CNTNAP5: variants seen among roughly 807,000 people sequenced by gnomAD.
CNTNAP5 encodes contactin-associated protein-like 5.
CNTNAP5 carries 72 observed loss-of-function variants against 150.2 expected under a neutral mutation model. The observed-to-expected ratio is 0.48, with a 90% CI of 0.40 to 0.58. The LOEUF (loss-of-function observed/expected upper bound fraction) is 0.58. Among genes scored for constraint, CNTNAP5 ranks in the 20% least tolerant of loss-of-function variants. The pLI, the probability that CNTNAP5 is intolerant of heterozygous loss-of-function variation, is 0.00. For synonymous variants in CNTNAP5, 672 were observed against 619.8 expected, an observed-to-expected ratio of 1.08 and a Z score of -1.25; for missense variants, 1,636 against 1,626.2, an observed-to-expected ratio of 1.01 and a Z score of -0.10.
At chr2:124,140,130 A>C (rs1326735183) in intron 1 of CNTNAP5, among the ~76,000 whole-genome samples, 3 of 151,492 alleles carry the variant, frequency 2.0e-5, no homozygotes, top group African/African-American at 4.8e-5. Context: ...CCTGGCTCAG[A>C]GGGTCCTACA....
chr2:124,317,178 GCAGACTTACCTTTAGATTAAGTTCAGGT>G (rs934601295), intron 3 of CNTNAP5, among the ~76,000 whole-genome samples: 3 of 152,098 alleles, frequency 2.0e-5, no homozygotes, highest in African/African-American at 7.2e-5. Context: ...TGACTTCAGG[GCAGACTTACCTTTAGATTAAGTTCAGGT>G]CAGATTTGAC....
At chr2:124,800,197 T>C (rs1239895634) in intron 19 of CNTNAP5, among the ~76,000 whole-genome samples, 2 of 152,196 alleles carry the variant, frequency 1.3e-5, no homozygotes, top group Non-Finnish European at 2.9e-5. Context: ...TCTAATGATG[T>C]CATTGGACCA....
intron 10 of CNTNAP5, among the ~76,000 whole-genome samples, chr2:124,560,365 A>C (rs1032847280): frequency 6.6e-6 from 1 of 151,894 alleles, no homozygotes; most frequent in Non-Finnish European, 1.5e-5. Context: ...CTAAAAATAC[A>C]AAAATTAGCT....
At chr2:124,799,571 AC>A (rs769222061) in intron 19 of CNTNAP5, among the ~76,000 whole-genome samples, 2 of 152,214 alleles carry the variant, frequency 1.3e-5, no homozygotes, top group Non-Finnish European at 2.9e-5. Flanking sequence ...CAGTGGTGGA[AC>A]CTAGCAGAAA....
chr2:124,362,074 C>T (rs776986220), intron 3 of CNTNAP5, among the ~76,000 whole-genome samples: 2 of 152,296 alleles, frequency 1.3e-5, no homozygotes, highest in African/African-American at 2.4e-5. Flanking sequence ...CCGATTTTCC[C>T]GGTGCTGTCC....
intron 10 of CNTNAP5, among the ~76,000 whole-genome samples, chr2:124,539,196 T>A (rs538158245): frequency 1.3e-5 from 2 of 152,332 alleles, no homozygotes; most frequent in African/African-American, 4.8e-5. Flanking sequence ...TGCAGTGAAA[T>A]GTAAATTTAA....
chr2:124,564,679 G>T (rs10211661), intron 11 of CNTNAP5, among the ~76,000 whole-genome samples: 1 of 152,078 alleles, frequency 6.6e-6, no homozygotes, highest in East Asian at 1.9e-4. Flanking sequence ...TAATTGTATA[G>T]TCTTATTGAG....
intron 11 of CNTNAP5, among the ~76,000 whole-genome samples, chr2:124,584,375 A>C (rs1207615672): frequency 6.6e-6 from 1 of 152,144 alleles, no homozygotes; most frequent in Non-Finnish European, 1.5e-5. Context: ...AACTATAAGC[A>C]TGATCTAGTA....
At chr2:124,180,232 G>A (rs1685178181) in intron 1 of CNTNAP5, among the ~76,000 whole-genome samples, 2 of 152,134 alleles carry the variant, frequency 1.3e-5, no homozygotes, top group Non-Finnish European at 1.5e-5. Context: ...TCAATTTCCT[G>A]TAAATAGTGA....
At chr2:124,249,961 TTG>T (rs36078434) in intron 3 of CNTNAP5, among the ~76,000 whole-genome samples, 28,259 of 118,552 alleles carry the variant, frequency 0.24, 2,710 homozygotes, top group African/African-American at 0.26. Context: ...ATGAATTCTT[TTG>T]TGTGTGTGTG....
chr2:124,140,042 A>T, intron 1 of CNTNAP5, among the ~76,000 whole-genome samples: 2 of 151,858 alleles, frequency 1.3e-5, no homozygotes, highest in African/African-American at 4.8e-5. Context: ...GCACCTGGAA[A>T]ATCGGGTCAC....
intron 14 of CNTNAP5, among the ~76,000 whole-genome samples, chr2:124,753,875 G>A (rs1680782096): frequency 2.0e-5 from 3 of 152,112 alleles, no homozygotes; most frequent in African/African-American, 7.2e-5. Context: ...TTAAAAAGTA[G>A]TTACAAGTGA....
chr2:124,216,105 A>G (rs945006242), intron 1 of CNTNAP5, among the ~76,000 whole-genome samples: 8 of 152,172 alleles, frequency 5.3e-5, no homozygotes, highest in African/African-American at 1.9e-4. Context: ...AAATCTGTGA[A>G]TGTAAAGCAA....
chr2:124,441,796 A>G (rs1355334154), intron 5 of CNTNAP5, among the ~76,000 whole-genome samples: 1 of 152,060 alleles, frequency 6.6e-6, no homozygotes, highest in African/African-American at 2.4e-5. Context: ...AAGTCCCTTG[A>G]TACTAACTGA....
At chr2:124,718,993 A>G (rs1680000387) in intron 13 of CNTNAP5, among the ~76,000 whole-genome samples, 1 of 151,958 alleles carries the variant, frequency 6.6e-6, no homozygotes, top group African/African-American at 2.4e-5. Flanking sequence ...AGTGAATGCC[A>G]TAGACTCATT....
intron 6 of CNTNAP5, among the ~76,000 whole-genome samples, chr2:124,464,239 C>T (rs919617557): frequency 2.0e-5 from 3 of 151,928 alleles, no homozygotes; most frequent in East Asian, 1.9e-4. Flanking sequence ...AGCAAGGGAG[C>T]GCAGGCACTT....
intron 13 of CNTNAP5, among the ~76,000 whole-genome samples, chr2:124,700,257 G>T (rs568327561): frequency 6.6e-6 from 1 of 151,974 alleles, no homozygotes; most frequent in Non-Finnish European, 1.5e-5. Flanking sequence ...TTGTTTACCC[G>T]TTCCTCAATT....
intron 10 of CNTNAP5, among the ~76,000 whole-genome samples, chr2:124,528,026 T>C (rs1695016887): frequency 6.6e-6 from 1 of 152,142 alleles, no homozygotes; most frequent in Admixed American, 6.6e-5. Flanking sequence ...ATATTAGAAG[T>C]TTCTAAATGC....
At chr2:124,103,523 GC>G (rs1683109134) in intron 1 of CNTNAP5, among the ~76,000 whole-genome samples, 1 of 151,310 alleles carries the variant, frequency 6.6e-6, no homozygotes, top group Non-Finnish European at 1.5e-5. Context: ...TTTATTTTAT[GC>G]TCTATTGTTA....
Sources: allele counts gnomAD v4.1 joint callset (sites outside exome capture counted in the v4.1 genomes callset), GRCh38; gene constraint gnomAD v4.1.1; transcripts MANE v1.5; gene names NCBI Gene and HGNC (gene_info 2026-07-23, HGNC 2026-07-21).